The following LGSN variants were observed in gnomAD, a reference collection of about 807,000 sequenced individuals.
LGSN encodes lengsin.
LGSN carries 21 observed loss-of-function variants against 19.5 expected under a neutral mutation model. The observed-to-expected ratio is 1.07, with a 90% CI of 0.76 to 1.55. The LOEUF (loss-of-function observed/expected upper bound fraction) is 1.55, where lower values mean the gene tolerates loss of function less well. LGSN is among the 40% of genes most tolerant of loss of function. LGSN has a pLI of 0.00. For synonymous variants in LGSN, 257 were observed against 215.6 expected (o/e 1.19, Z -1.68); for missense variants, 673 against 608.5 (o/e 1.11, Z -1.12).
chr6:63,316,687 G>A (rs1768877938), intron 1 of LGSN, among the ~76,000 whole-genome samples: 1 of 151,876 alleles, frequency 6.6e-6, no homozygotes, highest in Non-Finnish European at 1.5e-5. Flanking sequence ...ATTTGTGAAG[G>A]CTTTGTGGGT....
the LGSN span, among the ~76,000 whole-genome samples, chr6:63,339,351 C>A: frequency 6.6e-6 from 1 of 152,074 alleles, no homozygotes; most frequent in Non-Finnish European, 1.5e-5. Context: ...TATCTGTGTG[C>A]TCCTATATTG....
chr6:63,326,527 C>T, the LGSN span, among the ~76,000 whole-genome samples: 28 of 152,306 alleles, frequency 1.8e-4, no homozygotes, highest in African/African-American at 3.8e-4. Flanking sequence ...AGGCTTGGGC[C>T]GCACAGGAGC....
chr6:63,566,129 T>G, the LGSN span, among the ~76,000 whole-genome samples: 1 of 152,138 alleles, frequency 6.6e-6, no homozygotes, highest in Non-Finnish European at 1.5e-5. Flanking sequence ...ATAGCTGGAG[T>G]TGCCTTAAAA....
the LGSN span, among the ~76,000 whole-genome samples, chr6:63,487,120 C>G: frequency 6.6e-6 from 1 of 152,108 alleles, no homozygotes; most frequent in Admixed American, 6.6e-5. Context: ...CAGGTGTGAG[C>G]CACCGTGCCT....
chr6:63,326,505 C>T, the LGSN span, among the ~76,000 whole-genome samples: 50 of 152,290 alleles, frequency 3.3e-4, no homozygotes, highest in Admixed American at 2.3e-3. Flanking sequence ...CAGGGGGTGG[C>T]GCTTGTTGAG....
At chr6:63,346,145 T>C in the LGSN span, among the ~76,000 whole-genome samples, 1 of 152,008 alleles carries the variant, frequency 6.6e-6, no homozygotes, top group Non-Finnish European at 1.5e-5. Flanking sequence ...TTCGTTCTAA[T>C]AAGGTCTTTG....
the LGSN span, among the ~76,000 whole-genome samples, chr6:63,432,141 GA>G: frequency 1.2e-4 from 13 of 107,394 alleles, 1 homozygote; most frequent in African/African-American, 5.0e-4. Context: ...AAGAAAGAAA[GA>G]AAGAAAGAAA....
chr6:63,290,325 T>C (rs570422020), intron 2 of LGSN, among the ~76,000 whole-genome samples: 1 of 152,336 alleles, frequency 6.6e-6, no homozygotes, highest in African/African-American at 2.4e-5. Flanking sequence ...GAGCTCATGA[T>C]ACAAGATCTT....
the LGSN span, among the ~76,000 whole-genome samples, chr6:63,548,118 A>G: frequency 1.3e-5 from 2 of 152,148 alleles, no homozygotes; most frequent in Non-Finnish European, 2.9e-5. Context: ...TCTTCATGAA[A>G]GCCTTTTTTG....
At chr6:63,397,684 G>A in the LGSN span, among the ~76,000 whole-genome samples, 1 of 152,180 alleles carries the variant, frequency 6.6e-6, no homozygotes, top group South Asian at 2.1e-4. Context: ...GGGAGGCCAA[G>A]GAGGCTGGAT....
At chr6:63,311,374 G>A (rs775737026) in intron 1 of LGSN, among the ~76,000 whole-genome samples, 5 of 152,268 alleles carry the variant, frequency 3.3e-5, no homozygotes, top group Admixed American at 6.5e-5. Flanking sequence ...ATCGCCAGCC[G>A]TCTTCAATCA....
chr6:63,412,132 T>G, the LGSN span, among the ~76,000 whole-genome samples: 1 of 151,948 alleles, frequency 6.6e-6, no homozygotes, highest in Non-Finnish European at 1.5e-5. Context: ...TTTGGGAAGC[T>G]GAGGTGGGCA....
the LGSN span, among the ~76,000 whole-genome samples, chr6:63,469,401 G>A: frequency 6.6e-6 from 1 of 152,184 alleles, no homozygotes; most frequent in South Asian, 2.1e-4. Context: ...ATATTGGAAG[G>A]CAATGCTGTA....
the LGSN span, among the ~76,000 whole-genome samples, chr6:63,332,559 C>A: frequency 6.6e-6 from 1 of 152,108 alleles, no homozygotes; most frequent in African/African-American, 2.4e-5. Flanking sequence ...AATCAACGGT[C>A]CCAACTCCAA....
chr6:63,361,105 G>T, the LGSN span, among the ~76,000 whole-genome samples: 2 of 152,208 alleles, frequency 1.3e-5, no homozygotes, highest in Admixed American at 6.5e-5. Context: ...CGAGGGTCAG[G>T]GACCCACTTG....
the LGSN span, among the ~76,000 whole-genome samples, chr6:63,490,740 C>T: frequency 2.0e-5 from 3 of 151,968 alleles, no homozygotes; most frequent in Non-Finnish European, 4.4e-5. Flanking sequence ...CGCCCGGCTA[C>T]CAAAAGGGTA....
the LGSN span, among the ~76,000 whole-genome samples, chr6:63,495,693 G>T: frequency 1.3e-5 from 2 of 151,634 alleles, no homozygotes; most frequent in Admixed American, 6.6e-5. Context: ...CAAGAGATCT[G>T]CCCGTCTTAG....
chr6:63,279,968 G>C lies in LGSN; in HGVS notation c.*53C>G. 1 of 1,463,988 alleles carries C rather than the reference G, an allele frequency of 6.8e-7. No individual in the cohort carries two copies. The allele number at this position is 1,463,988 out of a possible 1,614,324, so 90.7% of individuals were successfully genotyped here. A position where few individuals can be genotyped will look rare whatever the true frequency, so the allele number is the denominator to read the frequency against. ...AAAGTTCAGTCTTTTTGTTTTGGTA[G>C]ATTAGCTTTAAGTAACAATTACATG... On this transcript the variant is annotated 3_prime_UTR_variant, in exon 4 of 4. Coordinates refer to ENST00000370657, the MANE Select transcript of LGSN (RefSeq NM_016571.3).
the LGSN span, among the ~76,000 whole-genome samples, chr6:63,334,670 G>C: frequency 2.0e-5 from 3 of 152,114 alleles, no homozygotes; most frequent in Non-Finnish European, 4.4e-5. Flanking sequence ...TTAGCAAAAA[G>C]GATGAAGCTG....
Sources: allele counts gnomAD v4.1 joint callset (sites outside exome capture counted in the v4.1 genomes callset), GRCh38; gene constraint gnomAD v4.1.1; transcripts MANE v1.5; gene names NCBI Gene and HGNC (gene_info 2026-07-23, HGNC 2026-07-21).